The following WWOX variants were observed in gnomAD, a reference collection of about 807,000 sequenced individuals.
WWOX encodes the protein WW domain containing oxidoreductase, also known as WW domain-containing oxidoreductase.
A neutral mutation model predicts 46.2 loss-of-function variants in WWOX; 69 were observed. The observed-to-expected ratio is 1.49, with a 90% CI of 1.23 to 1.82. WWOX has a LOEUF of 1.82. Ranked by LOEUF, WWOX falls within the 40% of genes most tolerant of loss-of-function variation. The pLI is 0.00. For missense variants in WWOX, 919 were observed against 542.6 expected (o/e 1.69, Z -6.89); for synonymous variants, 359 against 202.6 (o/e 1.77, Z -6.56).
intron 5 of WWOX, among the ~76,000 whole-genome samples, chr16:78,178,803 G>T (rs2035433302): frequency 6.6e-6 from 1 of 151,548 alleles, no homozygotes; most frequent in African/African-American, 2.4e-5. Context: ...GGCAGAGGTT[G>T]CAGTGAGCCA....
At chr16:78,923,236 C>G (rs751619908) in intron 8 of WWOX, among the ~76,000 whole-genome samples, 3 of 152,134 alleles carry the variant, frequency 2.0e-5, no homozygotes, top group Non-Finnish European at 4.4e-5. Flanking sequence ...GTAACTCGGC[C>G]TCCCAAAGCA....
At chr16:78,913,517 A>C (rs531306886) in intron 8 of WWOX, among the ~76,000 whole-genome samples, 18 of 152,024 alleles carry the variant, frequency 1.2e-4, no homozygotes, top group Non-Finnish European at 2.5e-4. Context: ...GGATAGAGCC[A>C]GGGTCCCTGA....
chr16:78,142,432 A>G (rs2034020206), intron 4 of WWOX, among the ~76,000 whole-genome samples: 1 of 152,348 alleles, frequency 6.6e-6, no homozygotes, highest in East Asian at 1.9e-4. Flanking sequence ...TCAAGCTGCA[A>G]AAGAACTAGA....
intron 8 of WWOX, among the ~76,000 whole-genome samples, chr16:78,762,634 G>C (rs1049618032): frequency 6.6e-6 from 1 of 152,204 alleles, no homozygotes; most frequent in African/African-American, 2.4e-5. Flanking sequence ...GTGCTTCCCA[G>C]GGAGACTGCC....
intron 8 of WWOX, among the ~76,000 whole-genome samples, chr16:78,513,041 G>A (rs1303006223): frequency 6.6e-6 from 1 of 152,140 alleles, no homozygotes; most frequent in Non-Finnish European, 1.5e-5. Context: ...TTTATGGCCC[G>A]AGATTAAAAG....
chr16:78,661,653 G>A (rs2550639), intron 8 of WWOX, among the ~76,000 whole-genome samples: 9 of 152,046 alleles, frequency 5.9e-5, no homozygotes, highest in Non-Finnish European at 1.3e-4. Context: ...GAGGTGGGGA[G>A]GGGGTGGGGG....
At chr16:79,016,842 G>A (rs549710210) in intron 8 of WWOX, 2 of 152,304 alleles carry the variant, frequency 1.3e-5, no homozygotes, top group East Asian at 3.9e-4. Flanking sequence ...CTGACGTCGT[G>A]TTAACTGAGT....
At chr16:78,379,609 C>T (rs188575672) in intron 5 of WWOX, among the ~76,000 whole-genome samples, 1 of 152,264 alleles carries the variant, frequency 6.6e-6, no homozygotes, top group Non-Finnish European at 1.5e-5. Flanking sequence ...ACGCAAGGCC[C>T]ACATGCACAA....
intron 5 of WWOX, among the ~76,000 whole-genome samples, chr16:78,269,914 G>GTTTTTTTTTTTTTTTTT (rs71137883): frequency 4.8e-5 from 6 of 125,668 alleles, no homozygotes; most frequent in Admixed American, 7.9e-5. Flanking sequence ...ACATAAGGAA[G>GTTTTTTTTTTTTTTTTT]TTTTTTTTTT....
intron 6 of WWOX, among the ~76,000 whole-genome samples, chr16:78,413,337 C>T (rs956216356): frequency 7.9e-5 from 12 of 152,174 alleles, no homozygotes; most frequent in African/African-American, 1.2e-4. Context: ...CTGTTTATTT[C>T]ACCTGGGTGC....
At chr16:78,312,104 T>G (rs1191663613) in intron 5 of WWOX, among the ~76,000 whole-genome samples, 3 of 152,178 alleles carry the variant, frequency 2.0e-5, no homozygotes, top group Non-Finnish European at 2.9e-5. Flanking sequence ...TTTTGCCTCC[T>G]CCTCTTACTT....
chr16:78,642,771 G>C (rs561803884), intron 8 of WWOX, among the ~76,000 whole-genome samples: 2 of 152,022 alleles, frequency 1.3e-5, no homozygotes, highest in Admixed American at 6.5e-5. Flanking sequence ...GGGAACTCAG[G>C]GCGTGAGGCA....
intron 6 of WWOX, among the ~76,000 whole-genome samples, chr16:78,397,826 T>C (rs1294056299): frequency 6.6e-6 from 1 of 152,176 alleles, no homozygotes; most frequent in Non-Finnish European, 1.5e-5. Flanking sequence ...CTCCTGGCCT[T>C]TCAGCCAATT....
intron 8 of WWOX, among the ~76,000 whole-genome samples, chr16:78,809,385 T>C (rs1374543050): frequency 1.3e-5 from 2 of 152,032 alleles, no homozygotes; most frequent in African/African-American, 4.8e-5. Context: ...ATGAAAACTT[T>C]TTATTATATT....
At chr16:78,872,019 G>C (rs1287645695) in intron 8 of WWOX, among the ~76,000 whole-genome samples, 1 of 152,224 alleles carries the variant, frequency 6.6e-6, no homozygotes. Context: ...CAACTGGAGA[G>C]AAATCTCTAG....
intron 8 of WWOX, among the ~76,000 whole-genome samples, chr16:78,455,643 C>CAAAAAAAA (rs57754374): frequency 2.0e-4 from 12 of 60,522 alleles, no homozygotes; most frequent in African/African-American, 4.9e-4. Context: ...GACTCTGTCT[C>CAAAAAAAA]AAAAAAAAAA....
chr16:78,418,329 A>G (rs1015836243), intron 6 of WWOX, among the ~76,000 whole-genome samples: 13 of 151,582 alleles, frequency 8.6e-5, no homozygotes, highest in East Asian at 3.9e-4. Flanking sequence ...GCACCACTGC[A>G]CTCCAGCCTG....
intron 5 of WWOX, among the ~76,000 whole-genome samples, chr16:78,276,642 T>C (rs1043618939): frequency 2.0e-5 from 3 of 152,126 alleles, no homozygotes; most frequent in African/African-American, 7.2e-5. Context: ...ATGGAGAAAA[T>C]AGAAAGTCCA....
intron 8 of WWOX, among the ~76,000 whole-genome samples, chr16:78,806,836 C>T (rs945434476): frequency 6.6e-6 from 1 of 152,154 alleles, no homozygotes; most frequent in African/African-American, 2.4e-5. Flanking sequence ...GCCATGGCCA[C>T]TTTTGAAAGA....
Sources: gnomAD v4.1 joint callset for allele counts (sites outside exome capture counted in the v4.1 genomes callset) on GRCh38, gnomAD v4.1.1 for gene constraint, MANE v1.5 for transcripts, NCBI Gene and HGNC (gene_info 2026-07-23, HGNC 2026-07-21) for gene names.